The following UMAD1 variants were observed in gnomAD, a reference collection of about 807,000 sequenced individuals.
The protein encoded by UMAD1 is UBAP1-MVB12-associated (UMA)-domain containing protein 1.
In UMAD1, 8 loss-of-function variants were observed where a neutral mutation model predicts 6.1. That is an observed-to-expected ratio of 1.30 (90% CI 0.76 to 2.35). The LOEUF is 2.35. Among genes scored for constraint, UMAD1 ranks in the 30% most tolerant of loss-of-function variants. The pLI, the probability that UMAD1 is intolerant of heterozygous loss-of-function variation, is 0.00. For missense variants in UMAD1, 130 were observed against 78.4 expected (o/e 1.66, Z -2.49); for synonymous variants, 56 against 31.4 (o/e 1.78, Z -2.61).
chr7:7,712,401 AT>A (rs1298507753), intron 2 of UMAD1, among the ~76,000 whole-genome samples: 1 of 152,112 alleles, frequency 6.6e-6, no homozygotes, highest in African/African-American at 2.4e-5. Context: ...ATTGCCATGC[AT>A]TTTTCATAAA....
rs1784447414 is a variant in UMAD1 at position 7,877,583 on chromosome 7, C to G, written c.*45C>G. 2 of 698,980 alleles carry G rather than the reference C, an allele frequency of 2.9e-6. No individual in the cohort carries two copies. Among genetic ancestry groups the G allele is most frequent in the Non-Finnish European group, 5.3e-6 (2 of 377,426 alleles). 43.3% of individuals were successfully genotyped at this position (698,980 alleles called of 1,614,324 possible). A position where few individuals can be genotyped will look rare whatever the true frequency, so the allele number is the denominator to read the frequency against. On this transcript the variant is annotated 3_prime_UTR_variant, in exon 4 of 4. Transcript: ENST00000682710. ...CTTAACAGCTTTAAAATATGTTCGCCTATTTTATCTAACCTGTTTGATGTT... is the reference window on the plus strand; with the variant it reads ...CTTAACAGCTTTAAAATATGTTCGCGTATTTTATCTAACCTGTTTGATGTT...
At chr7:7,803,852 A>G (rs1782853212) in intron 3 of UMAD1, among the ~76,000 whole-genome samples, 1 of 152,120 alleles carries the variant, frequency 6.6e-6, no homozygotes, top group South Asian at 2.1e-4. Flanking sequence ...AGGTTTCAAC[A>G]TACGAATTTT....
intron 2 of UMAD1, among the ~76,000 whole-genome samples, chr7:7,743,787 C>T (rs1367396991): frequency 6.6e-6 from 1 of 151,502 alleles, no homozygotes; most frequent in African/African-American, 2.4e-5. Flanking sequence ...CAAAATTTTC[C>T]ATTGTAACCA....
At chr7:7,671,832 T>G (rs1256248244) in intron 1 of UMAD1, among the ~76,000 whole-genome samples, 1 of 152,224 alleles carries the variant, frequency 6.6e-6, no homozygotes, top group Non-Finnish European at 1.5e-5. Context: ...TATTACTATA[T>G]CCAGTAAGCA....
At chr7:7,849,451 C>T (rs1210157787) in intron 3 of UMAD1, among the ~76,000 whole-genome samples, 1 of 152,036 alleles carries the variant, frequency 6.6e-6, no homozygotes, top group Non-Finnish European at 1.5e-5. Flanking sequence ...AGAAGTTTAC[C>T]CAGTGTAAAG....
chr7:7,697,039 A>T (rs1780337257), intron 2 of UMAD1, among the ~76,000 whole-genome samples: 1 of 152,184 alleles, frequency 6.6e-6, no homozygotes, highest in Non-Finnish European at 1.5e-5. Context: ...CTTAGTACAC[A>T]TGCCAAGCAG....
intron 2 of UMAD1, among the ~76,000 whole-genome samples, chr7:7,734,288 G>GT (rs1781308168): frequency 6.6e-6 from 1 of 152,086 alleles, no homozygotes; most frequent in African/African-American, 2.4e-5. Context: ...ATTTACCCTA[G>GT]TGTGGACGTG....
chr7:7,729,821 G>C (rs1285765236), intron 2 of UMAD1, among the ~76,000 whole-genome samples: 1 of 152,108 alleles, frequency 6.6e-6, no homozygotes, highest in Non-Finnish European at 1.5e-5. Context: ...GTGCTACCTT[G>C]AAAAACGTAA....
chr7:7,874,112 C>T (rs1250019409), intron 3 of UMAD1, among the ~76,000 whole-genome samples: 2 of 152,172 alleles, frequency 1.3e-5, no homozygotes, highest in African/African-American at 2.4e-5. Flanking sequence ...TGTGTCTCAT[C>T]GCTCAGGCCA....
At chr7:7,822,313 A>G (rs1330688189) in intron 3 of UMAD1, among the ~76,000 whole-genome samples, 1 of 152,116 alleles carries the variant, frequency 6.6e-6, no homozygotes, top group African/African-American at 2.4e-5. Flanking sequence ...CAGTCTGTGA[A>G]GATAAATGTA....
At chr7:7,785,562 G>T (rs1486228875) in intron 2 of UMAD1, among the ~76,000 whole-genome samples, 1 of 152,250 alleles carries the variant, frequency 6.6e-6, no homozygotes, top group Non-Finnish European at 1.5e-5. Context: ...GGCCAGGTCT[G>T]TGTTAAGAAA....
intron 2 of UMAD1, among the ~76,000 whole-genome samples, chr7:7,710,335 T>C (rs1436748021): frequency 2.0e-5 from 3 of 152,000 alleles, no homozygotes; most frequent in Admixed American, 1.3e-4. Flanking sequence ...GTCCCTAGAA[T>C]AAGTACTTGC....
chr7:7,854,630 G>A (rs1783980745), intron 3 of UMAD1, among the ~76,000 whole-genome samples: 1 of 152,044 alleles, frequency 6.6e-6, no homozygotes, highest in South Asian at 2.1e-4. Flanking sequence ...GATGTTATGG[G>A]GGTTACAATT....
At chr7:7,748,441 C>T (rs1781615903) in intron 2 of UMAD1, among the ~76,000 whole-genome samples, 1 of 151,998 alleles carries the variant, frequency 6.6e-6, no homozygotes, top group African/African-American at 2.4e-5. Context: ...TTGAAATCTA[C>T]TTCTGCCACA....
intron 2 of UMAD1, chr7:7,735,940 A>C (rs1365315230): frequency 6.6e-6 from 1 of 152,320 alleles, no homozygotes; most frequent in African/African-American, 2.4e-5. Flanking sequence ...TTGTTTGTCC[A>C]TGATTAGAGA....
At chr7:7,845,887 G>A (rs1563254128) in intron 3 of UMAD1, among the ~76,000 whole-genome samples, 1 of 152,078 alleles carries the variant, frequency 6.6e-6, no homozygotes, top group Admixed American at 6.6e-5. Context: ...ACTGGGAAAT[G>A]ATGCCAGTAA....
intron 2 of UMAD1, among the ~76,000 whole-genome samples, chr7:7,719,726 C>T (rs924224299): frequency 2.6e-5 from 4 of 151,958 alleles, no homozygotes; most frequent in Non-Finnish European, 5.9e-5. Flanking sequence ...CATATGTGAA[C>T]TGAAGATGAG....
intron 2 of UMAD1, among the ~76,000 whole-genome samples, chr7:7,686,158 T>C (rs958349154): frequency 2.6e-5 from 4 of 152,192 alleles, no homozygotes; most frequent in African/African-American, 9.7e-5. Context: ...TTTTATAAGG[T>C]ATGGTAGAGG....
chr7:7,822,002 C>T (rs137897330), intron 3 of UMAD1, among the ~76,000 whole-genome samples: 274 of 151,972 alleles, frequency 1.8e-3, no homozygotes, highest in African/African-American at 6.4e-3. Flanking sequence ...ATTAATATTA[C>T]TTATTAGTAA....
Sources: allele counts gnomAD v4.1 joint callset (sites outside exome capture counted in the v4.1 genomes callset), GRCh38; gene constraint gnomAD v4.1.1; transcripts MANE v1.5; gene names NCBI Gene and HGNC (gene_info 2026-07-23, HGNC 2026-07-21).